NTAQ1: variants seen among roughly 807,000 people sequenced by gnomAD.
NTAQ1 encodes N-terminal glutamine amidase 1, also known as protein N-terminal glutamine amidohydrolase.
A neutral mutation model predicts 28.2 loss-of-function variants in NTAQ1; 21 were observed. The ratio of observed to expected loss-of-function variants is 0.74; its 90% CI spans 0.53 to 1.07. The LOEUF (loss-of-function observed/expected upper bound fraction) is 1.07, where lower values mean the gene tolerates loss of function less well. Ranked by LOEUF, NTAQ1 falls within the 50% of genes least tolerant of loss-of-function variation. The pLI, the probability that NTAQ1 is intolerant of heterozygous loss-of-function variation, is 0.00. For missense variants in NTAQ1, 264 were observed against 256.6 expected (o/e 1.03, Z -0.20); for synonymous variants, 105 against 90.0 (o/e 1.17, Z -0.94).
intron 5 of NTAQ1, chr8:123,438,309 AAG>A (rs1254242039): frequency 1.6e-6 from 1 of 634,680 alleles, no homozygotes; most frequent in Non-Finnish European, 2.9e-6. Context: ...GTCTGTGTGA[AAG>A]TGCTCTGTGA....
Position 123,441,444 on chromosome 8 carries a change from G to T in NTAQ1, c.*29G>T, listed in dbSNP as rs761380532. On this transcript the variant is annotated 3_prime_UTR_variant, in exon 6 of 6. Transcript: ENST00000287387. ...TGGTCTCAAGATGTGGAACTGTGGA[G>T]AAATTCTAGGACATGAACAAGCTAT... 1 of 1,541,696 alleles carries T rather than the reference G, an allele frequency of 6.5e-7. No individual in the cohort carries two copies.
At chr8:123,457,935 G>T (rs1167821699) in intron 6 of NTAQ1, among the ~76,000 whole-genome samples, 1 of 150,940 alleles carries the variant, frequency 6.6e-6, no homozygotes, top group Non-Finnish European at 1.5e-5. Context: ...TCGGGAGGCT[G>T]AGACAGGAAA....
chr8:123,444,469 G>C (rs1001577782), downstream of NTAQ1, among the ~76,000 whole-genome samples: 3 of 151,924 alleles, frequency 2.0e-5, no homozygotes, highest in African/African-American at 7.3e-5. Context: ...CAAAATGCTG[G>C]GATTACAGGT....
At chr8:123,427,352 G>T (rs939901684) in intron 1 of NTAQ1, among the ~76,000 whole-genome samples, 3 of 145,542 alleles carry the variant, frequency 2.1e-5, no homozygotes, top group African/African-American at 5.1e-5. Flanking sequence ...TCTCAGGTTC[G>T]AGCAATTCTC....
At chr8:123,451,827 A>C (rs760189161), downstream of NTAQ1, among the ~76,000 whole-genome samples, 1 of 152,182 alleles carries the variant, frequency 6.6e-6, no homozygotes, top group Non-Finnish European at 1.5e-5. Flanking sequence ...ACTCCACTGG[A>C]TCTCAGGATA....
chr8:123,438,964 T>C (rs1220082742), intron 5 of NTAQ1, among the ~76,000 whole-genome samples: 1 of 152,162 alleles, frequency 6.6e-6, no homozygotes. Context: ...CTGGCCACAG[T>C]GTGCCTTTAG....
At position 123,429,696 on chromosome 8, in the gene NTAQ1, G is replaced by A. The variant is rs527408780; in HGVS notation, c.184-287G>A. Among the ~76,000 whole-genome samples the A allele has an allele frequency of 3.3e-3, 497 of 151,980 alleles. 1 individual carries two copies. Among genetic ancestry groups the A allele is most frequent in the South Asian group, 8.9e-3 (43 of 4,808 alleles). On this transcript the variant is annotated intron_variant, in intron 2 of 5. Transcript: ENST00000287387. ...CCTGGCCAACATGATGAAACCTTGTGTCAAAACCCTTCATCAAAAAATAAA... is the reference window on the plus strand; with the variant it reads ...CCTGGCCAACATGATGAAACCTTGTATCAAAACCCTTCATCAAAAAATAAA...
downstream of NTAQ1, among the ~76,000 whole-genome samples, chr8:123,474,697 G>A (rs1447825962): frequency 6.6e-6 from 1 of 152,168 alleles, no homozygotes; most frequent in East Asian, 1.9e-4. Context: ...TTGAGGTCAG[G>A]AGTTCGAGAC....
Position 123,416,870 on chromosome 8 carries a change from T to C in NTAQ1, c.21T>C (p.Ala7=). 1 of 1,530,746 alleles carries C rather than the reference T, an allele frequency of 6.5e-7. No individual in the cohort carries two copies. The highest frequency in any genetic ancestry group is 8.8e-7 in the Non-Finnish European group (1 of 1,139,664). 94.8% of individuals were successfully genotyped at this position (1,530,746 alleles called of 1,614,324 possible). A position where few individuals can be genotyped will look rare whatever the true frequency, so the allele number is the denominator to read the frequency against. MEGNGP[A]AVHYQPASPP... ...CGGCCATGGAAGGTAATGGCCCCGC[T>C]GCTGTCCACTACCAGCCGGCCAGCC... Residue 7 remains alanine, a synonymous_variant, in exon 1 of 6, where the codon GCT becomes GCC. Transcript: ENST00000287387.
intron 1 of NTAQ1, among the ~76,000 whole-genome samples, chr8:123,423,829 G>A (rs13272492): frequency 0.36 from 54,135 of 151,704 alleles, 9,793 homozygotes; most frequent in East Asian, 0.56. Context: ...GCTTACCAGT[G>A]GTGCTTGTGG....
At chr8:123,443,632 T>C (rs1815162701), downstream of NTAQ1, among the ~76,000 whole-genome samples, 1 of 152,190 alleles carries the variant, frequency 6.6e-6, no homozygotes, top group South Asian at 2.1e-4. Context: ...TGGAGAGCAC[T>C]GGTGTGATCT....
exon 7 of NTAQ1, among the ~76,000 whole-genome samples, chr8:123,468,512 C>T (rs141258502): frequency 4.9e-4 from 74 of 152,280 alleles, no homozygotes; most frequent in African/African-American, 1.6e-3. Context: ...CAGTTTCATT[C>T]ATGTTATAGT....
At chr8:123,447,631 G>A (rs1395524723) in intron 6 of NTAQ1, among the ~76,000 whole-genome samples, 2 of 152,102 alleles carry the variant, frequency 1.3e-5, no homozygotes, top group African/African-American at 4.8e-5. Flanking sequence ...AGGAAAAAAA[G>A]CACCTGAGAA....
At chr8:123,435,532 T>G in intron 3 of NTAQ1, 1 of 985,366 alleles carries the variant, frequency 1.0e-6, no homozygotes, top group African/African-American at 1.7e-5. Context: ...AATGTACTTC[T>G]GAATGCGCAC....
In NTAQ1 at chr8:123,418,456, A is replaced by AT. The variant is rs530140698; in HGVS notation, c.83+1524_83+1525insT. Among the ~76,000 whole-genome samples, 99 of 152,044 alleles carry AT rather than the reference A, an allele frequency of 6.5e-4. 1 individual carries two copies. In the South Asian group the frequency reaches 0.011, roughly 17 times the overall value. On this transcript the variant is annotated intron_variant, in intron 1 of 5. Coordinates refer to ENST00000287387, the MANE Select transcript of NTAQ1 (RefSeq NM_018024.3). The stretch of plus-strand genomic sequence containing the variant: ...GAGCAAGACTCCATCTCAAAAAAAA[A>AT]AAAAAAATAAAAAGCCAAAAAAACA...
chr8:123,448,522 A>T (rs769077450), downstream of NTAQ1, among the ~76,000 whole-genome samples: 2 of 152,340 alleles, frequency 1.3e-5, no homozygotes, highest in Non-Finnish European at 2.9e-5. Context: ...CTTGAGTATC[A>T]CTTGAGATAT....
chr8:123,423,492 T>G (rs1433805357), intron 1 of NTAQ1, among the ~76,000 whole-genome samples: 1 of 151,724 alleles, frequency 6.6e-6, no homozygotes, highest in Non-Finnish European at 1.5e-5. Flanking sequence ...CCTAGGCTGG[T>G]TTCAAACTCC....
At chr8:123,449,318 A>G (rs1168242384), downstream of NTAQ1, among the ~76,000 whole-genome samples, 5 of 152,314 alleles carry the variant, frequency 3.3e-5, no homozygotes, top group African/African-American at 1.2e-4. Context: ...AGAGAAAATG[A>G]TTTACACAGG....
chr8:123,447,865 A>G (rs1347097614), intron 6 of NTAQ1, among the ~76,000 whole-genome samples: 5 of 152,210 alleles, frequency 3.3e-5, no homozygotes, highest in Admixed American at 2.6e-4. Context: ...CCCTTGTTCT[A>G]CAGCAACAGA....
Sources: allele counts gnomAD v4.1 joint callset (sites outside exome capture counted in the v4.1 genomes callset), GRCh38; gene constraint gnomAD v4.1.1; transcripts MANE v1.5; gene names NCBI Gene and HGNC (gene_info 2026-07-23, HGNC 2026-07-21).